Variants in HS3ST4 observed in about 807,000 individuals in gnomAD.
The protein encoded by HS3ST4 is heparan sulfate-glucosamine 3-sulfotransferase 4.
Under a neutral mutation model 29.2 loss-of-function variants are expected in HS3ST4, and 17 were observed. The ratio of observed to expected loss-of-function variants is 0.58; its 90% CI spans 0.40 to 0.87. HS3ST4 has a LOEUF of 0.87. HS3ST4 is among the 40% of genes least tolerant of loss of function. HS3ST4 has a pLI of 0.00. For synonymous variants in HS3ST4, 314 were observed against 285.7 expected (o/e 1.10, Z -1.00); for missense variants, 627 against 634.5 (o/e 0.99, Z 0.13).
At position 26,030,644 on chromosome 16, in the gene HS3ST4, C is replaced by T. The variant is rs1024437651; in HGVS notation, c.735-104968C>T. 3.3e-5 allele frequency among the ~76,000 whole-genome samples: 5 copies of T among 152,138 alleles called. No homozygotes were observed. In the East Asian group the frequency reaches 7.7e-4, roughly 23 times the overall value. ...AGCTTGCTGGCTATACATACCTAGG[C>T]ACCATACACCCACTCACCTAGGTTG... On this transcript the variant is annotated intron_variant, in intron 1 of 1. Coordinates refer to ENST00000331351, the MANE Select transcript of HS3ST4 (RefSeq NM_006040.3).
chr16:26,028,661 A>G (rs573592980), intron 1 of HS3ST4, among the ~76,000 whole-genome samples: 1 of 152,330 alleles, frequency 6.6e-6, no homozygotes, highest in East Asian at 1.9e-4. Context: ...GGCAGCAACA[A>G]TGCAGTTTAT....
intron 1 of HS3ST4, among the ~76,000 whole-genome samples, chr16:25,736,671 G>A (rs1004625865): frequency 1.9e-4 from 29 of 152,126 alleles, no homozygotes; most frequent in African/African-American, 7.0e-4. Context: ...ATTGGTTCCA[G>A]TATTCCAAAG....
At chr16:26,074,716 G>A (rs1037923142) in intron 1 of HS3ST4, among the ~76,000 whole-genome samples, 1 of 151,722 alleles carries the variant, frequency 6.6e-6, no homozygotes, top group Non-Finnish European at 1.5e-5. Context: ...TCTCAGGCTC[G>A]ACACACAATG....
intron 1 of HS3ST4, among the ~76,000 whole-genome samples, chr16:25,748,756 C>T (rs961456247): frequency 6.6e-6 from 1 of 152,208 alleles, no homozygotes; most frequent in Non-Finnish European, 1.5e-5. Flanking sequence ...GCTTATCTTA[C>T]TGGCTATTGC....
chr16:25,956,091 C>CG (rs745583045), intron 1 of HS3ST4, among the ~76,000 whole-genome samples: 54 of 152,120 alleles, frequency 3.5e-4, no homozygotes, highest in Non-Finnish European at 5.6e-4. Context: ...GCTGGGATTA[C>CG]GGGTGTGAGC....
chr16:25,773,554 C>T (rs969335334), intron 1 of HS3ST4, among the ~76,000 whole-genome samples: 2 of 152,110 alleles, frequency 1.3e-5, no homozygotes, highest in Admixed American at 6.5e-5. Flanking sequence ...ATGAGTGTTG[C>T]TGAATTTGAA....
chr16:25,792,279 A>G (rs1966870948), intron 1 of HS3ST4, among the ~76,000 whole-genome samples: 1 of 151,904 alleles, frequency 6.6e-6, no homozygotes, highest in Admixed American at 6.6e-5. Flanking sequence ...AGTCATGTCA[A>G]GTTTTGGCAT....
At chr16:25,889,850 TAGTG>T (rs374492500) in intron 1 of HS3ST4, among the ~76,000 whole-genome samples, 12 of 152,180 alleles carry the variant, frequency 7.9e-5, no homozygotes, top group African/African-American at 2.4e-4. Context: ...TGTTCTCTGA[TAGTG>T]AGTAAGTCTC....
At chr16:25,909,081 C>T (rs1215545520) in intron 1 of HS3ST4, among the ~76,000 whole-genome samples, 1 of 152,240 alleles carries the variant, frequency 6.6e-6, no homozygotes, top group African/African-American at 2.4e-5. Context: ...GGGATTACAG[C>T]AGAGCATCTC....
At chr16:25,932,589 A>G (rs1431685986) in intron 1 of HS3ST4, among the ~76,000 whole-genome samples, 2 of 152,206 alleles carry the variant, frequency 1.3e-5, no homozygotes, top group African/African-American at 4.8e-5. Flanking sequence ...ACCTCAAGGT[A>G]CTGTCTCATA....
chr16:25,803,137 A>G (rs1018644249), intron 1 of HS3ST4, among the ~76,000 whole-genome samples: 1 of 151,988 alleles, frequency 6.6e-6, no homozygotes. Context: ...TGTACACACT[A>G]TTGAATGATT....
Position 26,049,510 on chromosome 16 carries a change from G to C in HS3ST4, c.735-86102G>C, listed in dbSNP as rs143951853. Reference sequence around the variant, plus strand: ...TGTGTGTGTGTATGTGTGTGTCCTTGAGCGGAAAAACACAGTTTTTCCTCT... The same window carrying C: ...TGTGTGTGTGTATGTGTGTGTCCTTCAGCGGAAAAACACAGTTTTTCCTCT... On this transcript the variant is annotated intron_variant, in intron 1 of 1. Coordinates refer to ENST00000331351, the MANE Select transcript of HS3ST4 (RefSeq NM_006040.3). Among the ~76,000 whole-genome samples, 867 of 151,670 alleles carry C rather than the reference G, an allele frequency of 5.7e-3. 7 individuals are homozygous for C. The highest frequency in any genetic ancestry group is 0.02 in the African/African-American group (811 of 41,212).
chr16:25,993,443 G>A (rs932542477), intron 1 of HS3ST4, among the ~76,000 whole-genome samples: 9 of 152,040 alleles, frequency 5.9e-5, no homozygotes, highest in South Asian at 4.1e-4. Flanking sequence ...TTGGAGGTGC[G>A]GAAGTGTGAC....
At chr16:25,840,974 G>A (rs7190202) in intron 1 of HS3ST4, among the ~76,000 whole-genome samples, 7,470 of 51,862 alleles carry the variant, frequency 0.14, 263 homozygotes, top group East Asian at 0.23. Context: ...ATATTTGTTT[G>A]TTTATTTATT....
intron 1 of HS3ST4, among the ~76,000 whole-genome samples, chr16:26,117,811 T>A (rs1213400159): frequency 6.6e-6 from 1 of 152,256 alleles, no homozygotes; most frequent in Admixed American, 6.5e-5. Context: ...ATTTGTTCAC[T>A]TATTAAGCAC....
chr16:25,947,799 G>T (rs1968644160), intron 1 of HS3ST4, among the ~76,000 whole-genome samples: 3 of 152,138 alleles, frequency 2.0e-5, no homozygotes, highest in African/African-American at 7.2e-5. Context: ...GTAATGTTTA[G>T]GAGTGCAGGC....
At chr16:25,872,054 C>T (rs1567260923) in intron 1 of HS3ST4, among the ~76,000 whole-genome samples, 1 of 152,098 alleles carries the variant, frequency 6.6e-6, no homozygotes, top group African/African-American at 2.4e-5. Flanking sequence ...GGGGAGGACC[C>T]CTATCTTACC....
chr16:25,813,914 CA>C (rs1358968466), intron 1 of HS3ST4, among the ~76,000 whole-genome samples: 1 of 152,082 alleles, frequency 6.6e-6, no homozygotes, highest in Non-Finnish European at 1.5e-5. Context: ...TTAACAACAA[CA>C]AAAAGACAAG....
rs912549092 is a variant in HS3ST4 at position 25,854,445 on chromosome 16, T to C, written c.734+161294T>C. Among the ~76,000 whole-genome samples, 5 of 152,232 alleles carry C rather than the reference T, an allele frequency of 3.3e-5. No individual in the cohort carries two copies. In the Middle Eastern group the frequency reaches 0.01, roughly 311 times the overall value. ...AGGTCACTTTCATCACCATCTTGGTTTTGGTGAGTTTTGGTTGCCTTCTGT... is the reference window on the plus strand; with the variant it reads ...AGGTCACTTTCATCACCATCTTGGTCTTGGTGAGTTTTGGTTGCCTTCTGT... On this transcript the variant is annotated intron_variant, in intron 1 of 1. Transcript: ENST00000331351.
Sources: allele counts gnomAD v4.1 joint callset (sites outside exome capture counted in the v4.1 genomes callset), GRCh38; gene constraint gnomAD v4.1.1; transcripts MANE v1.5; gene names NCBI Gene and HGNC (gene_info 2026-07-23, HGNC 2026-07-21).